The following MMD2 variants were observed in gnomAD, a reference collection of about 807,000 sequenced individuals.
MMD2 encodes monocyte to macrophage differentiation factor 2.
Under a neutral mutation model 33.5 loss-of-function variants are expected in MMD2, and 30 were observed. That is an observed-to-expected ratio of 0.90 (90% CI 0.67 to 1.22). The LOEUF (loss-of-function observed/expected upper bound fraction) is 1.22, where lower values mean the gene tolerates loss of function less well. Among genes scored for constraint, MMD2 ranks in the 50% most tolerant of loss-of-function variants. MMD2 has a pLI of 0.00. For synonymous variants in MMD2, 129 were observed against 123.0 expected, an observed-to-expected ratio of 1.05 and a Z score of -0.32; for missense variants, 364 against 325.4, an observed-to-expected ratio of 1.12 and a Z score of -0.91.
At chr7:4,936,673 A>G (rs1257077849) in intron 1 of MMD2, among the ~76,000 whole-genome samples, 1 of 152,038 alleles carries the variant, frequency 6.6e-6, no homozygotes, top group Non-Finnish European at 1.5e-5. Context: ...AATTGCAGGC[A>G]TGAGCCATCA....
chr7:4,902,162 G>A (rs1216120484), downstream of MMD2, among the ~76,000 whole-genome samples: 1 of 152,156 alleles, frequency 6.6e-6, no homozygotes, highest in Non-Finnish European at 1.5e-5. Flanking sequence ...ATGTTGGTCA[G>A]GCTGGTCTCA....
At chr7:4,958,366 T>C (rs1786445381) in intron 1 of MMD2, among the ~76,000 whole-genome samples, 2 of 152,128 alleles carry the variant, frequency 1.3e-5, no homozygotes, top group South Asian at 4.1e-4. Flanking sequence ...TATCACAATG[T>C]CTGTTAATCA....
the MMD2 span, among the ~76,000 whole-genome samples, chr7:4,897,241 A>G: frequency 1.3e-5 from 2 of 151,582 alleles, no homozygotes; most frequent in Non-Finnish European, 2.9e-5. Flanking sequence ...AAAAAAAAAA[A>G]AAAAAAAGAC....
chr7:4,913,750 A>AT (rs1386243516), intron 4 of MMD2, among the ~76,000 whole-genome samples: 97 of 128,216 alleles, frequency 7.6e-4, no homozygotes, highest in African/African-American at 2.0e-3. Flanking sequence ...AAAAAAGTGG[A>AT]TTTTTTTTTC....
the MMD2 span, among the ~76,000 whole-genome samples, chr7:4,894,881 G>A: frequency 6.6e-6 from 1 of 152,110 alleles, no homozygotes; most frequent in Non-Finnish European, 1.5e-5. The surrounding 1 kb of genome is among the most constrained non-coding windows in gnomAD (Gnocchi z 4.3). Context: ...GTATGTGGAG[G>A]TTTTTATTGG....
Position 4,946,531 on chromosome 7 carries a change from G to GAA in MMD2, c.47+12439_47+12440insTT, listed in dbSNP as rs1786092094. 6.6e-6 allele frequency among the ~76,000 whole-genome samples: 1 copy of GAA among 152,144 alleles called. No homozygotes were observed. Among genetic ancestry groups the GAA allele is most frequent in the Admixed American group, 6.6e-5 (1 of 15,250 alleles). On this transcript the variant is annotated intron_variant, in intron 1 of 6. Transcript: ENST00000401401. The surrounding 1 kb of genome is among the most constrained non-coding windows in gnomAD (Gnocchi z 5.0). ...AACCGCGAGTGAAACAAAGGATTCAGACAATGATAACCAATGGATGCTAAG... is the reference window on the plus strand; with the variant it reads ...AACCGCGAGTGAAACAAAGGATTCAGAAACAATGATAACCAATGGATGCTAAG...
At chr7:4,902,944 C>T (rs1266606495), downstream of MMD2, among the ~76,000 whole-genome samples, 3 of 152,030 alleles carry the variant, frequency 2.0e-5, no homozygotes, top group Admixed American at 6.6e-5. Flanking sequence ...CAAACTGATA[C>T]GGAAAAGAGA....
chr7:4,911,865 C>T (rs1364450281), intron 4 of MMD2, among the ~76,000 whole-genome samples: 4 of 152,080 alleles, frequency 2.6e-5, no homozygotes, highest in South Asian at 2.1e-4. Context: ...CCAAGCTGGT[C>T]GCGAACTCCT....
At position 4,955,548 on chromosome 7, in the gene MMD2, T is replaced by C. The variant is rs1786361424; in HGVS notation, c.47+3423A>G. Among the ~76,000 whole-genome samples, 4 of 152,314 alleles carry C rather than the reference T, an allele frequency of 2.6e-5. No homozygotes were observed. In the South Asian group the frequency reaches 8.3e-4, roughly 32 times the overall value. ...ATTCAGACGGGCTGTAAGTATAAAA[T>C]GCACATTAGATGAAGACTTGTGGGG... On this transcript the variant is annotated intron_variant, in intron 1 of 6. Transcript: ENST00000401401.
the MMD2 span, among the ~76,000 whole-genome samples, chr7:4,894,064 C>T: frequency 6.6e-6 from 1 of 152,096 alleles, no homozygotes; most frequent in Non-Finnish European, 1.5e-5. This position sits in a 1 kb window ranked among gnomAD's most constrained non-coding sequence, Gnocchi z 4.3. Context: ...AGGAATGCAG[C>T]CCAGTAGATC....
chr7:4,928,634 TGGTAAGTG>T (rs1785494326), intron 1 of MMD2, among the ~76,000 whole-genome samples: 1 of 150,746 alleles, frequency 6.6e-6, no homozygotes, highest in Non-Finnish European at 1.5e-5. Flanking sequence ...GCTGGCTCCA[TGGTAAGTG>T]CAGCTCATGG....
chr7:4,937,821 A>C (rs914494644), intron 1 of MMD2, among the ~76,000 whole-genome samples: 1 of 150,732 alleles, frequency 6.6e-6, no homozygotes, highest in African/African-American at 2.4e-5. Context: ...ATTTTTAAAC[A>C]TTTTTTTGTA....
the MMD2 span, among the ~76,000 whole-genome samples, chr7:4,898,408 T>G: frequency 1.3e-5 from 2 of 152,156 alleles, no homozygotes; most frequent in African/African-American, 4.8e-5. Context: ...TTTCAGAACT[T>G]AGGATTTAGA....
At chr7:4,933,016 T>G (rs1207183704) in intron 1 of MMD2, among the ~76,000 whole-genome samples, 1 of 151,888 alleles carries the variant, frequency 6.6e-6, no homozygotes, top group Non-Finnish European at 1.5e-5. Context: ...GAATCTGTTG[T>G]ATAAAGTTGA....
chr7:4,895,825 C>T, the MMD2 span, among the ~76,000 whole-genome samples: 3 of 151,964 alleles, frequency 2.0e-5, no homozygotes, highest in African/African-American at 4.8e-5. Context: ...TGAACCACCG[C>T]GCCCGGCTGA....
Position 4,931,274 on chromosome 7 carries a change from T to C in MMD2, c.48-5742A>G, listed in dbSNP as rs1375552683. Among the ~76,000 whole-genome samples, 5 of 150,810 alleles carry C rather than the reference T, an allele frequency of 3.3e-5. No individual in the cohort carries two copies. In the East Asian group the frequency reaches 9.7e-4, roughly 29 times the overall value. On this transcript the variant is annotated intron_variant, in intron 1 of 6. Coordinates refer to ENST00000401401, the MANE Select transcript of MMD2 (RefSeq NM_198403.4). ...AATCCTCCCACCTCAGCCTCCCGAG[T>C]AGCTGGGACTACAGGTGCACACCAC...
intron 1 of MMD2, among the ~76,000 whole-genome samples, chr7:4,930,465 C>T (rs1175650870): frequency 6.6e-6 from 1 of 151,342 alleles, no homozygotes; most frequent in Non-Finnish European, 1.5e-5. Flanking sequence ...CACGGCAATA[C>T]CCCATCTCTA....
intron 1 of MMD2, among the ~76,000 whole-genome samples, chr7:4,936,849 C>G (rs553711755): frequency 1.1e-3 from 166 of 152,122 alleles, no homozygotes; most frequent in African/African-American, 3.4e-3. Flanking sequence ...ATTCTCTTCC[C>G]TCAGCCTCCC....
intron 1 of MMD2, among the ~76,000 whole-genome samples, chr7:4,941,914 T>A (rs527248068): frequency 6.6e-6 from 1 of 151,070 alleles, no homozygotes; most frequent in African/African-American, 2.4e-5. Context: ...TAAAGATACA[T>A]TTGTGGTGCA....
Sources: allele counts gnomAD v4.1 joint callset (sites outside exome capture counted in the v4.1 genomes callset), GRCh38; gene constraint gnomAD v4.1.1; non-coding constraint Gnocchi (gnomAD v3.1); transcripts MANE v1.5; gene names NCBI Gene and HGNC (gene_info 2026-07-23, HGNC 2026-07-21).